The following TUBGCP3 variants were observed in gnomAD, a reference collection of about 807,000 sequenced individuals.
TUBGCP3 encodes the protein gamma-tubulin complex component 3.
A neutral mutation model predicts 123.1 loss-of-function variants in TUBGCP3; 50 were observed. That is an observed-to-expected ratio of 0.41 (90% CI 0.32 to 0.51). The LOEUF is 0.51. Among genes scored for constraint, TUBGCP3 ranks in the 20% least tolerant of loss-of-function variants. TUBGCP3 has a pLI of 0.36. For missense variants in TUBGCP3, 882 were observed against 1,127.0 expected, an observed-to-expected ratio of 0.78 and a Z score of 3.11; for synonymous variants, 405 against 413.9, an observed-to-expected ratio of 0.98 and a Z score of 0.26.
chr13:112,536,788 T>G (rs1395035202), intron 11 of TUBGCP3, among the ~76,000 whole-genome samples: 1 of 152,094 alleles, frequency 6.6e-6, no homozygotes, highest in Non-Finnish European at 1.5e-5. Flanking sequence ...GGCTTTACTT[T>G]TTTTTGGAGA....
At chr13:112,568,027 A>T (rs9604360) in intron 2 of TUBGCP3, among the ~76,000 whole-genome samples, 20,559 of 150,732 alleles carry the variant, frequency 0.14, 2,208 homozygotes, top group African/African-American at 0.32. Flanking sequence ...CCCAAGGCCA[A>T]ATGGACTTCT....
At chr13:112,600,050 C>T in the TUBGCP3 span, among the ~76,000 whole-genome samples, 10 of 152,142 alleles carry the variant, frequency 6.6e-5, no homozygotes, top group African/African-American at 1.2e-4. Flanking sequence ...GCTAAGACTA[C>T]GAATCCCACA....
At position 112,554,936 on chromosome 13, in the gene TUBGCP3, T is replaced by C. The variant is rs1334815488; in HGVS notation, c.791A>G (p.Lys264Arg). ...TTCAGTGTTGTTCATTTTGATGTTT[T>C]TGCCATCTATGCCCTGAAAGACGTA... ...ILYVFQGIDG[K>R]NIKMNNTENC... Residue 264 changes from lysine (K) to arginine (R), a missense_variant, in exon 7 of 22, where the codon AAA (lysine) becomes AGA (arginine). Physicochemically the swap from Lys to Arg is conservative, Grantham distance 26. Transcript: ENST00000261965. 6.2e-7 allele frequency: 1 copy of C among 1,613,428 alleles called. No homozygotes were observed. Among genetic ancestry groups the C allele is most frequent in the Non-Finnish European group, 8.5e-7 (1 of 1,179,912 alleles).
chr13:112,488,248 C>T (rs976954892), intron 21 of TUBGCP3, among the ~76,000 whole-genome samples: 3 of 151,656 alleles, frequency 2.0e-5, no homozygotes, highest in African/African-American at 2.4e-5. Flanking sequence ...AGCACACAAA[C>T]CCACGATGTT....
intron 2 of TUBGCP3, among the ~76,000 whole-genome samples, chr13:112,566,885 GC>G (rs1880991164): frequency 6.6e-6 from 1 of 152,142 alleles, no homozygotes; most frequent in African/African-American, 2.4e-5. Flanking sequence ...GATGACTTTT[GC>G]AATTTGTTTC....
At chr13:112,526,877 C>A in intron 13 of TUBGCP3, 65 bp downstream of exon 13, 1 of 1,158,244 alleles carries the variant, frequency 8.6e-7, no homozygotes, top group Non-Finnish European at 1.3e-6. Flanking sequence ...TGAGTATCAC[C>A]ATCCTCACAT....
Position 112,503,325 on chromosome 13 carries a change from C to T in TUBGCP3, c.2307+707G>A, listed in dbSNP as rs78460577. 5.8e-3 allele frequency among the ~76,000 whole-genome samples: 890 copies of T among 152,240 alleles called. 10 individuals are homozygous for T. The highest frequency in any genetic ancestry group is 0.021 in the African/African-American group (854 of 41,532). ...ATGGACCCTAAGGGAAAAGAATGTTCGCGAAAAATGTCATACATGTCACCA... is the reference window on the plus strand; with the variant it reads ...ATGGACCCTAAGGGAAAAGAATGTTTGCGAAAAATGTCATACATGTCACCA... On this transcript the variant is annotated intron_variant, in intron 19 of 21. Coordinates refer to ENST00000261965, the MANE Select transcript of TUBGCP3 (RefSeq NM_006322.6).
intron 17 of TUBGCP3, among the ~76,000 whole-genome samples, chr13:112,509,047 CT>C (rs1234349404): frequency 6.6e-6 from 1 of 152,226 alleles, no homozygotes; most frequent in Non-Finnish European, 1.5e-5. Flanking sequence ...GTGCTCGTGG[CT>C]GGGCTCTCCA....
At chr13:112,522,836 G>A (rs1003865899) in intron 13 of TUBGCP3, among the ~76,000 whole-genome samples, 3 of 152,148 alleles carry the variant, frequency 2.0e-5, no homozygotes, top group African/African-American at 7.2e-5. Context: ...TGAGTCACCC[G>A]TCCATACCCA....
chr13:112,494,737 G>C (rs1031871219), intron 20 of TUBGCP3, among the ~76,000 whole-genome samples: 1 of 152,212 alleles, frequency 6.6e-6, no homozygotes, highest in African/African-American at 2.4e-5. Context: ...ATTTGTTCTT[G>C]CCTGACTTTT....
chr13:112,522,315 C>T lies in TUBGCP3; in HGVS notation c.1745+5G>A, dbSNP rs1876693658. 6.4e-7 allele frequency: 1 copy of T among 1,551,310 alleles called. No homozygotes were observed. The highest frequency in any genetic ancestry group is 1.4e-5 in the African/African-American group (1 of 73,936). ...TTATTTATAGAAATCAAAATAGTGCCTTACTTTAGCAAGTCCATTAAGTGC... is the reference window on the plus strand; with the variant it reads ...TTATTTATAGAAATCAAAATAGTGCTTTACTTTAGCAAGTCCATTAAGTGC... On this transcript the variant is annotated splice_donor_5th_base_variant and intron_variant, in intron 14 of 21. Transcript: ENST00000261965.
At chr13:112,487,053 A>ATGTGTG (rs10522089) in intron 21 of TUBGCP3, among the ~76,000 whole-genome samples, 21,007 of 147,318 alleles carry the variant, frequency 0.14, 1,634 homozygotes, top group Non-Finnish European at 0.19. Context: ...AACACTGTGT[A>ATGTGTG]TGTGTGTGTG....
At chr13:112,565,208 T>C (rs1353164238) in intron 2 of TUBGCP3, 30 bp from the exon 3 acceptor site, 1 of 1,594,792 alleles carries the variant, frequency 6.3e-7, no homozygotes, top group African/African-American at 1.3e-5. Context: ...ATAAGTGTGG[T>C]AACTACAAAC....
intron 5 of TUBGCP3, 44 bp downstream of exon 5, chr13:112,558,152 G>T: frequency 6.4e-7 from 1 of 1,561,700 alleles, no homozygotes. Flanking sequence ...AGGCGTCTCT[G>T]TTTCTAACAC....
intron 13 of TUBGCP3, among the ~76,000 whole-genome samples, chr13:112,525,378 G>A (rs571156438): frequency 2.6e-5 from 4 of 152,084 alleles, no homozygotes; most frequent in Non-Finnish European, 4.4e-5. Context: ...CACATCTCAC[G>A]TCCCTGATCA....
chr13:112,599,433 A>G, the TUBGCP3 span, among the ~76,000 whole-genome samples: 138 of 152,168 alleles, frequency 9.1e-4, 1 homozygote, highest in Middle Eastern at 0.014. Context: ...TCAATAGTTT[A>G]TTTATATTGG....
intron 2 of TUBGCP3, among the ~76,000 whole-genome samples, chr13:112,566,674 C>T (rs543095987): frequency 1.9e-4 from 29 of 152,308 alleles, no homozygotes; most frequent in African/African-American, 5.3e-4. Flanking sequence ...AAGCAAGTGA[C>T]GCTCTTTCTA....
At chr13:112,552,734 C>T (rs1038889745) in intron 8 of TUBGCP3, among the ~76,000 whole-genome samples, 1 of 152,100 alleles carries the variant, frequency 6.6e-6, no homozygotes, top group African/African-American at 2.4e-5. Context: ...TCAGCAGCCA[C>T]GCTGCCACAG....
chr13:112,491,674 C>T (rs922161627), intron 20 of TUBGCP3, among the ~76,000 whole-genome samples: 2 of 152,168 alleles, frequency 1.3e-5, no homozygotes, highest in East Asian at 1.9e-4. Context: ...TTGTGGAGAA[C>T]GGGGTCTTGC....
Sources: allele counts gnomAD v4.1 joint callset (sites outside exome capture counted in the v4.1 genomes callset), GRCh38; gene constraint gnomAD v4.1.1; transcripts MANE v1.5; gene names NCBI Gene and HGNC (gene_info 2026-07-23, HGNC 2026-07-21).